Variants in LNX2 observed in about 807,000 individuals in gnomAD.
LNX2 encodes the protein ligand of Numb protein X 2.
Under a neutral mutation model 66.2 loss-of-function variants are expected in LNX2, and 35 were observed. The ratio of observed to expected loss-of-function variants is 0.53; its 90% CI spans 0.40 to 0.70. The LOEUF (loss-of-function observed/expected upper bound fraction) is 0.70. LNX2 is among the 30% of genes least tolerant of loss of function. LNX2 has a pLI of 0.00. For synonymous variants in LNX2, 337 were observed against 315.6 expected, an observed-to-expected ratio of 1.07 and a Z score of -0.72; for missense variants, 791 against 850.8, an observed-to-expected ratio of 0.93 and a Z score of 0.87.
intron 1 of LNX2, among the ~76,000 whole-genome samples, chr13:27,593,859 G>T (rs1396035444): frequency 6.6e-6 from 1 of 151,074 alleles, no homozygotes; most frequent in Non-Finnish European, 1.5e-5. Context: ...GCCTCCCAAA[G>T]TGCTGGGATT....
chr13:27,573,558 G>A (rs1255366872), intron 2 of LNX2, among the ~76,000 whole-genome samples: 1 of 152,108 alleles, frequency 6.6e-6, no homozygotes, highest in African/African-American at 2.4e-5. Context: ...GTCCACAGAG[G>A]TTCAGCTATG....
At chr13:27,566,492 G>C (rs1002392906) in intron 4 of LNX2, among the ~76,000 whole-genome samples, 4 of 152,180 alleles carry the variant, frequency 2.6e-5, no homozygotes, top group African/African-American at 9.7e-5. Flanking sequence ...GGTTGTAGAA[G>C]AGACCGTGGA....
rs745325368 is a variant in LNX2 at position 27,556,312 on chromosome 13, C to G, written c.1470G>C (p.Lys490Asn). 1 of 1,614,044 alleles carries G rather than the reference C, an allele frequency of 6.2e-7. No individual in the cohort carries two copies. Among genetic ancestry groups the G allele is most frequent in the Admixed American group, 1.7e-5 (1 of 60,016 alleles). ...TCACAAAGATGGGCAGCTCACCACT[C>G]TTACTTCCCCTGCCCCCAGCAACGG... Reference protein sequence around the residue: ...GMTVAGGRGSKSGELPIFVTS... With the variant: ...GMTVAGGRGSNSGELPIFVTS... Residue 490 changes from lysine to asparagine, a missense_variant, in exon 7 of 10, where the codon AAG becomes AAC. Transcript: ENST00000316334.
Position 27,569,125 on chromosome 13 carries a change from G to T in LNX2, c.559C>A (p.Pro187Thr). ...EADCLGTGAVPVERHLTSASL... is the reference protein window; with the variant it reads ...EADCLGTGAVTVERHLTSASL... ...GCTGATGTCAAGTGCCGCTCCACAG[G>T]CACTGCGCCTGTCCCCAAACAGTCT... Residue 187 changes from proline to threonine, a missense_variant, in exon 3 of 10, where the codon CCT becomes ACT. By Grantham distance (38) the Pro-to-Thr change is conservative. Coordinates refer to ENST00000316334, the MANE Select transcript of LNX2 (RefSeq NM_153371.4). The T allele has an allele frequency of 6.2e-7, 1 of 1,612,994 alleles. No homozygotes were observed. Among genetic ancestry groups the T allele is most frequent in the East Asian group, 2.2e-5 (1 of 44,864 alleles).
chr13:27,567,572 T>C, intron 4 of LNX2, 68 bp downstream of exon 4: 1 of 1,373,330 alleles, frequency 7.3e-7, no homozygotes, highest in Non-Finnish European at 1.0e-6. Flanking sequence ...ACAGCACAAT[T>C]TTCTAAGGTT....
Position 27,553,239 on chromosome 13 carries a change from G to C in LNX2, c.1747C>G (p.Pro583Ala). 1.2e-6 allele frequency: 2 copies of C among 1,614,084 alleles called. No homozygotes were observed. The highest frequency in any genetic ancestry group is 1.7e-6 in the Non-Finnish European group (2 of 1,180,016). ...AGCCCAAGCCACATGACCCATGATGGGGACCAACTGGCATCATACTCATTT... is the reference window on the plus strand; with the variant it reads ...AGCCCAAGCCACATGACCCATGATGCGGACCAACTGGCATCATACTCATTT... ...SENEYDASWSPSWVMWLGLPS... is the reference protein window; with the variant it reads ...SENEYDASWSASWVMWLGLPS... The change falls in exon 8 of 10, where the codon CCA becomes GCA. Residue 583 changes from proline to alanine, a missense_variant. By Grantham distance (27) the Pro-to-Ala change is conservative. Transcript: ENST00000316334.
chr13:27,568,932 T>C, intron 3 of LNX2, 97 bp downstream of exon 3: 1 of 1,312,754 alleles, frequency 7.6e-7, no homozygotes, highest in Non-Finnish European at 1.0e-6. Context: ...TTTTATTTTT[T>C]AAATTTTTCT....
intron 1 of LNX2, among the ~76,000 whole-genome samples, chr13:27,607,136 CAT>C (rs1377431286): frequency 6.6e-6 from 1 of 152,172 alleles, no homozygotes; most frequent in Non-Finnish European, 1.5e-5. Context: ...ATTGTTTACA[CAT>C]ATTCTATTCA....
chr13:27,562,675 C>G lies in LNX2; in HGVS notation c.962G>C (p.Gly321Ala). The change falls in exon 5 of 10, where the codon GGC becomes GCC. Residue 321 changes from glycine to alanine, a missense_variant. Coordinates refer to ENST00000316334, the MANE Select transcript of LNX2 (RefSeq NM_153371.4). ...HLTVLRERRFGNRAHNHSDSN... is the reference protein window; with the variant it reads ...HLTVLRERRFANRAHNHSDSN... The stretch of plus-strand genomic sequence containing the variant: ...ATCAGAATGGTTGTGTGCTCGGTTG[C>G]CAAAGCGCCTCTCTCGAAGCACAGT... 2 of 1,614,152 alleles carry G rather than the reference C, an allele frequency of 1.2e-6. No individual in the cohort carries two copies. The highest frequency in any genetic ancestry group is 1.7e-6 in the Non-Finnish European group (2 of 1,180,022).
In LNX2 at chr13:27,562,465, T is replaced by C. The variant is rs1955146496; in HGVS notation, c.1172A>G (p.Asn391Ser). 5 of 1,614,030 alleles carry C rather than the reference T, an allele frequency of 3.1e-6. No individual in the cohort carries two copies. Among genetic ancestry groups the C allele is most frequent in the African/African-American group, 2.7e-5 (2 of 74,940 alleles). The change falls in exon 5 of 10, where the codon AAT becomes AGT. Residue 391 changes from asparagine to serine, a missense_variant. Transcript: ENST00000316334. ...LSSNDRVLAI[N>S]GHDLKYGTPE... ...AGTTCCATACTTCAGGTCGTGCCCA[T>C]TGATGGCCAGCACTCGGTCATTGCT...
intron 2 of LNX2, among the ~76,000 whole-genome samples, chr13:27,573,232 C>A (rs1955303571): frequency 6.6e-6 from 1 of 152,140 alleles, no homozygotes; most frequent in Non-Finnish European, 1.5e-5. Flanking sequence ...ACTGGAAGAG[C>A]AGACTGGAGA....
At chr13:27,581,201 G>T in intron 2 of LNX2, 96 bp downstream of exon 2, 1 of 924,618 alleles carries the variant, frequency 1.1e-6, no homozygotes, top group Non-Finnish European at 1.5e-6. Context: ...TTACTTACTA[G>T]TGCTCTGGTT....
chr13:27,592,357 G>A (rs896591076), intron 1 of LNX2, among the ~76,000 whole-genome samples: 2 of 152,168 alleles, frequency 1.3e-5, no homozygotes, highest in African/African-American at 4.8e-5. Flanking sequence ...TGATGGGAGG[G>A]GGGAAAGTCA....
At chr13:27,609,581 T>A (rs894968856) in intron 1 of LNX2, among the ~76,000 whole-genome samples, 12 of 152,310 alleles carry the variant, frequency 7.9e-5, no homozygotes, top group African/African-American at 2.6e-4. Flanking sequence ...AGAGAAAATA[T>A]AGTCACTATC....
chr13:27,620,519 G>A lies in LNX2; in HGVS notation c.-245C>T. On this transcript the variant is annotated 5_prime_UTR_variant, in exon 1 of 10. Transcript: ENST00000316334. Reference sequence around the variant, plus strand: ...AATCGCCGCCGCCGCCGCCGCCGCCGCGGATTTCCTGGCAAAAAGCAAACT... The same window carrying A: ...AATCGCCGCCGCCGCCGCCGCCGCCACGGATTTCCTGGCAAAAAGCAAACT... The A allele has an allele frequency of 5.7e-6, 1 of 174,548 alleles. No homozygotes were observed. Among genetic ancestry groups the A allele is most frequent in the Non-Finnish European group, 1.2e-5 (1 of 85,566 alleles). The allele number at this position is 174,548 out of a possible 1,614,324, so 10.8% of individuals were successfully genotyped here. A position where few individuals can be genotyped will look rare whatever the true frequency, so the allele number is the denominator to read the frequency against.
chr13:27,579,902 A>C (rs1955379321), intron 2 of LNX2, among the ~76,000 whole-genome samples: 1 of 152,206 alleles, frequency 6.6e-6, no homozygotes, highest in South Asian at 2.1e-4. Flanking sequence ...TGGTTACAGA[A>C]GATATAAAAA....
intron 2 of LNX2, among the ~76,000 whole-genome samples, chr13:27,572,678 A>G (rs1462875226): frequency 2.0e-5 from 3 of 152,230 alleles, no homozygotes; most frequent in African/African-American, 7.2e-5. Context: ...TTTATGCTAC[A>G]GTGACATCAT....
At chr13:27,569,393 A>T in intron 2 of LNX2, 117 bp from the exon 3 acceptor site, 1 of 1,056,090 alleles carries the variant, frequency 9.5e-7, no homozygotes, top group Non-Finnish European at 1.4e-6. Flanking sequence ...AAGTACCTAT[A>T]GGCAGCACAT....
chr13:27,558,447 GGA>G (rs1228309653), intron 6 of LNX2, among the ~76,000 whole-genome samples: 5 of 151,912 alleles, frequency 3.3e-5, no homozygotes, highest in African/African-American at 1.2e-4. Flanking sequence ...ATTGAATTAA[GGA>G]GAGTTTGCTA....
Sources: gnomAD v4.1 joint callset for allele counts (sites outside exome capture counted in the v4.1 genomes callset) on GRCh38, gnomAD v4.1.1 for gene constraint, MANE v1.5 for transcripts, NCBI Gene and HGNC (gene_info 2026-07-23, HGNC 2026-07-21) for gene names.